CHST11: variants seen among roughly 807,000 people sequenced by gnomAD.
The protein encoded by CHST11 is C4S-1.
CHST11 carries 9 observed loss-of-function variants against 30.4 expected under a neutral mutation model. That is an observed-to-expected ratio of 0.30 (90% confidence interval 0.18 to 0.52). The LOEUF (loss-of-function observed/expected upper bound fraction) is 0.52. Among genes scored for constraint, CHST11 ranks in the 20% least tolerant of loss-of-function variants. The pLI is 0.97. For synonymous variants in CHST11, 152 were observed against 187.8 expected, an observed-to-expected ratio of 0.81 and a Z score of 1.56; for missense variants, 348 against 460.6, an observed-to-expected ratio of 0.76 and a Z score of 2.24.
At chr12:104,466,210 C>T (rs1172188426) in intron 1 of CHST11, among the ~76,000 whole-genome samples, 1 of 152,064 alleles carries the variant, frequency 6.6e-6, no homozygotes, top group Admixed American at 6.5e-5. Context: ...GAATTTTGTG[C>T]TTATAGAGGC....
intron 1 of CHST11, among the ~76,000 whole-genome samples, chr12:104,493,583 T>C (rs1350014574): frequency 6.6e-6 from 1 of 152,134 alleles, no homozygotes; most frequent in African/African-American, 2.4e-5. Flanking sequence ...AAGTGGGAAA[T>C]GGAGGGAGAG....
rs553270225 is a variant in CHST11 at position 104,681,963 on chromosome 12, T to A, written c.205-74986T>A. 2.6e-5 allele frequency among the ~76,000 whole-genome samples: 4 copies of A among 151,292 alleles called. No individual in the cohort carries two copies. The East Asian group carries it at 7.8e-4, about 30-fold the overall frequency. The stretch of plus-strand genomic sequence containing the variant: ...CTCCTGCCTCAGCCTCCCGAGTAGA[T>A]GGGACTACAGGCACCCGCCACCACA... On this transcript the variant is annotated intron_variant, in intron 2 of 2. Coordinates refer to ENST00000303694, the MANE Select transcript of CHST11 (RefSeq NM_018413.6).
At position 104,514,097 on chromosome 12, in the gene CHST11, G is replaced by T. The variant is rs145756620; in HGVS notation, c.118+56568G>T. ...ACTGTGGTACCAGGGGTCTAATCAG[G>T]CCTGTGTCTGCCTCCTTCTTGAATA... On this transcript the variant is annotated intron_variant, in intron 1 of 2. Transcript: ENST00000303694. 2.8e-4 allele frequency: 339 copies of T among 1,206,266 alleles called. 2 individuals carry two copies. The East Asian group carries it at 7.9e-3, about 28-fold the overall frequency. 74.7% of individuals were successfully genotyped at this position (1,206,266 alleles called of 1,614,324 possible).
chr12:104,566,769 C>G (rs2136020518), intron 1 of CHST11, among the ~76,000 whole-genome samples: 1 of 152,290 alleles, frequency 6.6e-6, no homozygotes, highest in South Asian at 2.1e-4. Flanking sequence ...ACATACACCT[C>G]CCATGTTCCC....
intron 1 of CHST11, among the ~76,000 whole-genome samples, chr12:104,471,479 A>T (rs2037508670): frequency 6.6e-6 from 1 of 152,236 alleles, no homozygotes; most frequent in Non-Finnish European, 1.5e-5. Flanking sequence ...AAATGTGAAC[A>T]GCCAAAAAGT....
intron 1 of CHST11, among the ~76,000 whole-genome samples, chr12:104,546,336 T>G (rs1455405896): frequency 8.0e-6 from 1 of 125,326 alleles, no homozygotes; most frequent in Non-Finnish European, 1.7e-5. Flanking sequence ...AGCATGGTGG[T>G]GCATGCCTGT....
intron 2 of CHST11, among the ~76,000 whole-genome samples, chr12:104,620,124 G>A (rs1222911423): frequency 6.6e-6 from 1 of 152,162 alleles, no homozygotes; most frequent in Non-Finnish European, 1.5e-5. Context: ...CTTGAAGGCT[G>A]CCTTGAGACA....
chr12:104,641,901 A>T (rs2039380361), intron 2 of CHST11, among the ~76,000 whole-genome samples: 5 of 152,166 alleles, frequency 3.3e-5, no homozygotes, highest in Admixed American at 3.3e-4. Context: ...CATGGTTCTC[A>T]ACCAGGGGGG....
At chr12:104,508,237 G>GTTT (rs2037926399) in intron 1 of CHST11, among the ~76,000 whole-genome samples, 1 of 152,108 alleles carries the variant, frequency 6.6e-6, no homozygotes, top group South Asian at 2.1e-4. Flanking sequence ...ACTCAGCTCT[G>GTTT]GGGTCAGACT....
At chr12:104,636,756 G>A (rs1354801698) in intron 2 of CHST11, among the ~76,000 whole-genome samples, 2 of 152,040 alleles carry the variant, frequency 1.3e-5, no homozygotes, top group East Asian at 3.8e-4. Context: ...AGAATCAAAG[G>A]AGCTAATCAA....
chr12:104,732,235 G>T (rs144306607), intron 2 of CHST11, among the ~76,000 whole-genome samples: 1 of 152,210 alleles, frequency 6.6e-6, no homozygotes, highest in East Asian at 1.9e-4. Context: ...TGTGCCAGGA[G>T]CCTGTCCTTC....
At chr12:104,700,488 C>G (rs1269462592) in intron 2 of CHST11, among the ~76,000 whole-genome samples, 1 of 152,160 alleles carries the variant, frequency 6.6e-6, no homozygotes, top group African/African-American at 2.4e-5. Flanking sequence ...CATATCCCAT[C>G]CCTACATCTT....
chr12:104,565,269 T>G (rs2038551806), intron 1 of CHST11, among the ~76,000 whole-genome samples: 1 of 144,742 alleles, frequency 6.9e-6, no homozygotes, highest in South Asian at 2.3e-4. Flanking sequence ...TTTTTTTTTT[T>G]TTTTTTTTTT....
intron 2 of CHST11, among the ~76,000 whole-genome samples, chr12:104,672,281 T>C (rs1051673032): frequency 1.9e-4 from 29 of 151,578 alleles, no homozygotes; most frequent in Non-Finnish European, 8.8e-5. Context: ...GCTTGCGGAG[T>C]AATGGCTCGT....
intron 2 of CHST11, 102 bp from the exon 3 acceptor site, chr12:104,756,847 T>C (rs939078022): frequency 1.1e-5 from 15 of 1,370,964 alleles, no homozygotes; most frequent in Admixed American, 2.0e-5. Context: ...GCACCCAGCT[T>C]AGATATGTGT....
intron 2 of CHST11, among the ~76,000 whole-genome samples, chr12:104,715,861 C>T (rs748291226): frequency 4.6e-5 from 7 of 152,192 alleles, no homozygotes; most frequent in Admixed American, 1.3e-4. Flanking sequence ...GTGTGTGTCG[C>T]GCCTTTCTCT....
intron 2 of CHST11, among the ~76,000 whole-genome samples, chr12:104,665,771 CTT>C (rs1401361117): frequency 8.4e-6 from 1 of 119,478 alleles, no homozygotes; most frequent in African/African-American, 3.2e-5. Context: ...GGGTGGGGGT[CTT>C]TCTTTTTTCT....
At chr12:104,483,481 C>T (rs1303371199) in intron 1 of CHST11, among the ~76,000 whole-genome samples, 4 of 152,190 alleles carry the variant, frequency 2.6e-5, no homozygotes, top group Non-Finnish European at 5.9e-5. Flanking sequence ...GCTGGGATTA[C>T]AGGCGTGAGC....
At chr12:104,517,465 T>C (rs1293498976) in intron 1 of CHST11, among the ~76,000 whole-genome samples, 1 of 152,102 alleles carries the variant, frequency 6.6e-6, no homozygotes, top group Non-Finnish European at 1.5e-5. Flanking sequence ...CTGTTTGCAA[T>C]CATCACTTGT....
Sources: allele counts gnomAD v4.1 joint callset (sites outside exome capture counted in the v4.1 genomes callset), GRCh38; gene constraint gnomAD v4.1.1; transcripts MANE v1.5; gene names NCBI Gene and HGNC (gene_info 2026-07-23, HGNC 2026-07-21).